The following GPC5 variants were observed in gnomAD, a reference collection of about 807,000 sequenced individuals.
The protein encoded by GPC5 is glypican 5, also known as glypican-5.
In GPC5, 47 loss-of-function variants were observed where a neutral mutation model predicts 53.9. The ratio of observed to expected loss-of-function variants is 0.87; its 90% CI spans 0.69 to 1.11. GPC5 has a LOEUF of 1.11. Ranked by LOEUF, GPC5 falls within the 50% of genes most tolerant of loss-of-function variation. GPC5 has a pLI of 0.00. For missense variants in GPC5, 748 were observed against 713.1 expected (o/e 1.05, Z -0.56); for synonymous variants, 286 against 263.3 (o/e 1.09, Z -0.84).
intron 5 of GPC5, among the ~76,000 whole-genome samples, chr13:91,888,497 C>T (rs539920259): frequency 6.6e-6 from 1 of 152,314 alleles, no homozygotes; most frequent in East Asian, 1.9e-4. Flanking sequence ...ATACGCACAG[C>T]TTCTCTCAGT....
rs557342027 is a variant in GPC5, at chr13:92,852,564, A to C, written c.1562-13718A>C. On this transcript the variant is annotated intron_variant, in intron 7 of 7. Coordinates refer to ENST00000377067, the MANE Select transcript of GPC5 (RefSeq NM_004466.6). ...GTGACACATGTTCCTTCCAGGTGGA[A>C]GCTTTTTTTATTTTTTATTTTTTAG... is the stretch of plus-strand genomic sequence containing the variant. 1.4e-4 allele frequency among the ~76,000 whole-genome samples: 21 copies of C among 152,210 alleles called. 1 individual carries two copies. The highest frequency in any genetic ancestry group is 1.0e-3 in the Admixed American group (16 of 15,290).
chr13:92,122,971 C>G (rs971491897), intron 6 of GPC5, among the ~76,000 whole-genome samples: 1 of 152,102 alleles, frequency 6.6e-6, no homozygotes, highest in African/African-American at 2.4e-5. Context: ...ATGTTCCAAT[C>G]ACATTGATCC....
At chr13:92,736,512 C>T (rs1888939418) in intron 7 of GPC5, among the ~76,000 whole-genome samples, 1 of 151,878 alleles carries the variant, frequency 6.6e-6, no homozygotes, top group Non-Finnish European at 1.5e-5. Flanking sequence ...CTCATGCCTC[C>T]TCCTGCCTGA....
chr13:91,526,092 G>T (rs1185604317), intron 2 of GPC5, among the ~76,000 whole-genome samples: 1 of 152,112 alleles, frequency 6.6e-6, no homozygotes, highest in Non-Finnish European at 1.5e-5. Flanking sequence ...ACATCAAAAG[G>T]TATAGTTCTT....
intron 5 of GPC5, among the ~76,000 whole-genome samples, chr13:91,810,252 G>T (rs1365558109): frequency 1.3e-5 from 2 of 151,772 alleles, no homozygotes; most frequent in Non-Finnish European, 2.9e-5. Flanking sequence ...TGACTATGAT[G>T]GCTTATTTGT....
intron 4 of GPC5, among the ~76,000 whole-genome samples, chr13:91,753,593 T>A (rs958425003): frequency 1.3e-5 from 2 of 152,188 alleles, no homozygotes; most frequent in African/African-American, 2.4e-5. Context: ...TGATAACACC[T>A]GCTTGCTGGA....
rs540414519 is a variant in GPC5, at chr13:91,907,901, G to T, written c.1281-36G>T. 1.4e-5 allele frequency: 23 copies of T among 1,589,306 alleles called. No individual in the cohort carries two copies. In the South Asian group the frequency reaches 2.5e-4, roughly 18 times the overall value. On this transcript the variant is annotated intron_variant, in intron 5 of 7. Coordinates refer to ENST00000377067, the MANE Select transcript of GPC5 (RefSeq NM_004466.6). ...GCTGTGACAGATAATACCCTGATCA[G>T]GTACTAAGTCATATCTTTCACATTT...
chr13:91,408,289 A>T (rs935670591), intron 1 of GPC5, among the ~76,000 whole-genome samples: 21 of 152,176 alleles, frequency 1.4e-4, no homozygotes, highest in Non-Finnish European at 2.9e-4. Context: ...TTTAGATTCT[A>T]CATGAATGAG....
chr13:92,365,799 GC>G (rs750590944), intron 7 of GPC5, among the ~76,000 whole-genome samples: 2 of 150,952 alleles, frequency 1.3e-5, no homozygotes, highest in Non-Finnish European at 2.9e-5. Flanking sequence ...GTCTTCAGGG[GC>G]AATTGCGTGC....
At chr13:91,437,760 A>G (rs59774949) in intron 1 of GPC5, among the ~76,000 whole-genome samples, 11,775 of 152,234 alleles carry the variant, frequency 0.077, 1,467 homozygotes, top group African/African-American at 0.27. Flanking sequence ...GTGTTTTCCA[A>G]CTTGGTTCCA....
At chr13:92,321,154 G>C (rs1309294430) in intron 7 of GPC5, among the ~76,000 whole-genome samples, 1 of 152,042 alleles carries the variant, frequency 6.6e-6, no homozygotes, top group Non-Finnish European at 1.5e-5. Context: ...AAAAATCTTT[G>C]TAGACAAATA....
chr13:92,557,862 C>A lies in GPC5; in HGVS notation c.1562-308420C>A, dbSNP rs76972657. 6.0e-3 allele frequency among the ~76,000 whole-genome samples: 909 copies of A among 152,030 alleles called. 11 individuals carry two copies. The highest frequency in any genetic ancestry group is 0.021 in the African/African-American group (855 of 41,522). On this transcript the variant is annotated intron_variant, in intron 7 of 7. Transcript: ENST00000377067. ...ATGATACTGCAACTGCTTGTTTGCT[C>A]TCAGAGAGCTGGGACTCTGCATCTC...
chr13:92,623,656 A>G (rs1884950317), intron 7 of GPC5, among the ~76,000 whole-genome samples: 1 of 152,160 alleles, frequency 6.6e-6, no homozygotes, highest in Non-Finnish European at 1.5e-5. Flanking sequence ...GTAAGGATCA[A>G]GCTATATTTT....
intron 7 of GPC5, among the ~76,000 whole-genome samples, chr13:92,321,733 T>C (rs2043217521): frequency 6.6e-6 from 1 of 152,180 alleles, no homozygotes; most frequent in Non-Finnish European, 1.5e-5. Context: ...AAAGTTACGG[T>C]ATACTGATTA....
At chr13:92,543,935 C>T (rs1231446771) in intron 7 of GPC5, among the ~76,000 whole-genome samples, 4 of 151,570 alleles carry the variant, frequency 2.6e-5, no homozygotes, top group Non-Finnish European at 5.9e-5. Flanking sequence ...AAAATACATG[C>T]TAATGTTATG....
At chr13:91,768,070 G>T (rs150143146) in intron 5 of GPC5, among the ~76,000 whole-genome samples, 2 of 152,186 alleles carry the variant, frequency 1.3e-5, no homozygotes, top group East Asian at 3.9e-4. Flanking sequence ...GGAAAATATT[G>T]TTTATTAGTC....
intron 7 of GPC5, among the ~76,000 whole-genome samples, chr13:92,347,548 T>G (rs2043423638): frequency 6.6e-6 from 1 of 151,844 alleles, no homozygotes; most frequent in African/African-American, 2.4e-5. Context: ...AGGACTTCTT[T>G]AAGCTGAAAC....
intron 7 of GPC5, among the ~76,000 whole-genome samples, chr13:92,589,588 T>G (rs924464395): frequency 2.6e-4 from 39 of 152,212 alleles, no homozygotes; most frequent in African/African-American, 8.9e-4. Flanking sequence ...TCATGAGATT[T>G]TATGATCATG....
At chr13:92,334,557 G>A (rs1249796212) in intron 7 of GPC5, among the ~76,000 whole-genome samples, 1 of 152,078 alleles carries the variant, frequency 6.6e-6, no homozygotes, top group Non-Finnish European at 1.5e-5. Context: ...GTCCCTCAGA[G>A]TCTTAAATCA....
Sources: allele counts gnomAD v4.1 joint callset (sites outside exome capture counted in the v4.1 genomes callset), GRCh38; gene constraint gnomAD v4.1.1; transcripts MANE v1.5; gene names NCBI Gene and HGNC (gene_info 2026-07-23, HGNC 2026-07-21).